ABCB1: variants seen among roughly 807,000 people sequenced by gnomAD.
ABCB1 encodes ATP-dependent translocase ABCB1.
ABCB1 carries 69 observed loss-of-function variants against 142.0 expected under a neutral mutation model. That is an observed-to-expected ratio of 0.49 (90% CI 0.40 to 0.59). ABCB1 has a LOEUF of 0.59. Among genes scored for constraint, ABCB1 ranks in the 20% least tolerant of loss-of-function variants. ABCB1 has a pLI of 0.00. For synonymous variants in ABCB1, 532 were observed against 539.2 expected, an observed-to-expected ratio of 0.99 and a Z score of 0.18; for missense variants, 1,326 against 1,554.7, an observed-to-expected ratio of 0.85 and a Z score of 2.47.
At chr7:87,569,744 G>C (rs558569915) in intron 5 of ABCB1, among the ~76,000 whole-genome samples, 1 of 152,234 alleles carries the variant, frequency 6.6e-6, no homozygotes, top group Non-Finnish European at 1.5e-5. Context: ...CTGGAGTGCA[G>C]TGATGTGATC....
Position 87,566,845 on chromosome 7 carries a change from C to A in ABCB1, c.470G>T (p.Arg157Leu), listed in dbSNP as rs202002337. The change falls in exon 6 of 28, where the codon CGA becomes CTA. Residue 157 changes from arginine to leucine, a missense_variant. Arg to Leu is a moderately radical substitution (Grantham distance 102). Transcript: ENST00000622132. Reference protein sequence around the residue: ...IRKQFFHAIMRQEIGWFDVHD... With the variant: ...IRKQFFHAIMLQEIGWFDVHD... ...CACATCAAACCAGCCTATCTCCTGT[C>A]GCATTATAGCATGAAAAAACTGTTT... 4 of 1,614,120 alleles carry A rather than the reference C, an allele frequency of 2.5e-6. No homozygotes were observed. The highest frequency in any genetic ancestry group is 2.2e-5 in the East Asian group (1 of 44,886).
rs754954435 is a variant in ABCB1 at position 87,509,281 on chromosome 7, C to T, written c.3483G>A (p.Leu1161=). Residue 1161 remains leucine, a synonymous_variant, in exon 26 of 28, where the codon CTG becomes CTA. Transcript: ENST00000622132. ...TATTTGAAGAGAGACTTACATTAGG[C>T]AGTGACTCGATGAAGGCATGTATGT... The part of the protein sequence containing the change: ...EANIHAFIES[L]PNKYSTKVGD... The T allele has an allele frequency of 4.3e-6, 7 of 1,614,082 alleles. No homozygotes were observed. The highest frequency in any genetic ancestry group is 5.9e-6 in the Non-Finnish European group (7 of 1,179,990).
intron 8 of ABCB1, among the ~76,000 whole-genome samples, chr7:87,558,627 G>T (rs1306698236): frequency 6.6e-6 from 1 of 151,170 alleles, no homozygotes; most frequent in African/African-American, 2.4e-5. Flanking sequence ...TTCATTATTT[G>T]TTTTTTATTT....
chr7:87,710,576 G>A (rs1415038218), intron 1 of ABCB1: 5 of 1,572,594 alleles, frequency 3.2e-6, no homozygotes, highest in Non-Finnish European at 4.3e-6. Flanking sequence ...TTAGGGTAGA[G>A]CCTGGATCAG....
chr7:87,582,170 G>A (rs73387255), intron 4 of ABCB1, among the ~76,000 whole-genome samples: 25,502 of 152,000 alleles, frequency 0.17, 2,304 homozygotes, highest in Admixed American at 0.25. Flanking sequence ...TGAGGGGAGT[G>A]GAAATAAGGA....
chr7:87,571,743 T>C (rs1054756702), intron 4 of ABCB1, among the ~76,000 whole-genome samples: 2 of 152,204 alleles, frequency 1.3e-5, no homozygotes, highest in Non-Finnish European at 2.9e-5. Context: ...GCACATTCAA[T>C]TGAAGATGTC....
chr7:87,563,437 T>G, intron 7 of ABCB1: 1 of 451,150 alleles, frequency 2.2e-6, no homozygotes, highest in South Asian at 1.6e-5. Context: ...CAAACTGAAT[T>G]CAGCAGCACA....
rs540252857 is a variant in ABCB1, at chr7:87,681,963, A to G, written c.-331+31198T>C. On this transcript the variant is annotated intron_variant, in intron 1 of 28. Transcript: ENST00000265724. ...CTACCCACAGTAGAACTTCTTTCAA[A>G]ATTGGAGTCAATACTCTCAAACCCT... is the stretch of plus-strand genomic sequence containing the variant. Among the ~76,000 whole-genome samples the G allele has an allele frequency of 2.6e-5, 4 of 152,326 alleles. No individual in the cohort carries two copies. The East Asian group carries it at 5.8e-4, about 22-fold the overall frequency.
intron 23 of ABCB1, among the ~76,000 whole-genome samples, chr7:87,518,534 C>A (rs1280258411): frequency 1.3e-5 from 2 of 152,122 alleles, no homozygotes; most frequent in East Asian, 3.8e-4. Flanking sequence ...TCATCCTGAG[C>A]AAACTGTAAT....
At chr7:87,545,761 C>T (rs1816753014) in intron 15 of ABCB1, 102 bp downstream of exon 15, 2 of 1,312,304 alleles carry the variant, frequency 1.5e-6, no homozygotes, top group Non-Finnish European at 2.1e-6. Context: ...TTGTTTCCTA[C>T]TTTGTAAGGT....
At chr7:87,571,291 T>C (rs1029975388) in intron 4 of ABCB1, among the ~76,000 whole-genome samples, 1 of 151,928 alleles carries the variant, frequency 6.6e-6, no homozygotes. Context: ...GGTGGTTATG[T>C]AGCTGGAAAG....
At chr7:87,530,031 C>A (rs1329569915) in intron 21 of ABCB1, among the ~76,000 whole-genome samples, 2 of 152,166 alleles carry the variant, frequency 1.3e-5, no homozygotes, top group Non-Finnish European at 2.9e-5. Context: ...GAGGGAACCC[C>A]CCAAAAATGG....
At position 87,585,684 on chromosome 7, in the gene ABCB1, A is replaced by G. The variant is rs1224694456; in HGVS notation, c.118-4T>C. ...CAAGCCAATTTGAATAGCGAAACTAAAAAGAGAGAAAAAAGAATAGCAGAG... is the reference window on the plus strand; with the variant it reads ...CAAGCCAATTTGAATAGCGAAACTAGAAAGAGAGAAAAAAGAATAGCAGAG... On this transcript the variant is annotated splice_region_variant and splice_polypyrimidine_tract_variant and intron_variant, in intron 3 of 27. Coordinates refer to ENST00000622132, the MANE Select transcript of ABCB1 (RefSeq NM_001348946.2). The G allele has an allele frequency of 1.2e-6, 2 of 1,613,108 alleles. No homozygotes were observed. Among genetic ancestry groups the G allele is most frequent in the African/African-American group, 2.7e-5 (2 of 74,930 alleles).
chr7:87,675,029 T>C (rs1214822930), intron 1 of ABCB1, among the ~76,000 whole-genome samples: 3 of 152,220 alleles, frequency 2.0e-5, no homozygotes, highest in African/African-American at 4.8e-5. Flanking sequence ...CCCTGCCAGC[T>C]TAAGTGTCTG....
intron 1 of ABCB1, among the ~76,000 whole-genome samples, chr7:87,680,342 G>A (rs1826804534): frequency 6.6e-6 from 1 of 150,572 alleles, no homozygotes; most frequent in South Asian, 2.1e-4. Flanking sequence ...GGATTCTCGA[G>A]GAAAATTAGT....
chr7:87,651,017 G>A, intron 1 of ABCB1: 3 of 789,114 alleles, frequency 3.8e-6, no homozygotes, highest in Non-Finnish European at 6.3e-6. Flanking sequence ...CATACAGTCT[G>A]TGTGACTTAG....
At chr7:87,680,012 G>C (rs1226803629) in intron 1 of ABCB1, among the ~76,000 whole-genome samples, 1 of 150,446 alleles carries the variant, frequency 6.6e-6, no homozygotes, top group Non-Finnish European at 1.5e-5. Flanking sequence ...TTCTCCTAAT[G>C]TTATCCCTAC....
At chr7:87,539,410 A>C in intron 18 of ABCB1, 65 bp from the exon 19 acceptor site, 1 of 1,491,142 alleles carries the variant, frequency 6.7e-7, no homozygotes, top group Non-Finnish European at 9.3e-7. Context: ...GGGAGAATTG[A>C]TGTCTTTGCT....
At chr7:87,700,453 C>A in intron 1 of ABCB1, 1 of 1,612,434 alleles carries the variant, frequency 6.2e-7, no homozygotes, top group Admixed American at 1.7e-5. Context: ...TGAAAGTCCT[C>A]GTAGCTTCTG....
Sources: allele counts gnomAD v4.1 joint callset (sites outside exome capture counted in the v4.1 genomes callset), GRCh38; gene constraint gnomAD v4.1.1; transcripts MANE v1.5; gene names NCBI Gene and HGNC (gene_info 2026-07-23, HGNC 2026-07-21).